ZNF257: variants seen among roughly 807,000 people sequenced by gnomAD.
ZNF257 encodes bone marrow zinc finger 4.
Under a neutral mutation model 11.9 loss-of-function variants are expected in ZNF257, and 12 were observed. The observed-to-expected ratio is 1.01, with a 90% CI of 0.65 to 1.63. The LOEUF (loss-of-function observed/expected upper bound fraction) is 1.63, where lower values mean the gene tolerates loss of function less well. ZNF257 is among the 40% of genes most tolerant of loss of function. ZNF257 has a pLI of 0.00. For synonymous variants in ZNF257, 183 were observed against 222.7 expected, an observed-to-expected ratio of 0.82 and a Z score of 1.59; for missense variants, 580 against 665.5, an observed-to-expected ratio of 0.87 and a Z score of 1.41.
rs558313103 is a variant in ZNF257 at position 22,057,873 on chromosome 19, C to A, written c.3+5238C>A. Among the ~76,000 whole-genome samples, 10 of 152,288 alleles carry A rather than the reference C, an allele frequency of 6.6e-5. 1 individual carries two copies. The South Asian group carries it at 2.1e-3, about 32-fold the overall frequency. ...TTCCTGGGTTCAAGCGATTCTCCTG[C>A]CTCAGCCTCCTGAATAGCTGGGATT... is the stretch of plus-strand genomic sequence containing the variant. On this transcript the variant is annotated intron_variant, in intron 1 of 3. Coordinates refer to ENST00000594947, the MANE Select transcript of ZNF257 (RefSeq NM_033468.4).
intron 3 of ZNF257, chr19:22,074,518 A>G (rs1006328956): frequency 2.6e-5 from 4 of 151,934 alleles, no homozygotes; most frequent in Non-Finnish European, 5.9e-5. Flanking sequence ...TGCCTGGCTA[A>G]TTTTTGTATT....
At chr19:22,054,267 T>A (rs2021566323) in intron 1 of ZNF257, among the ~76,000 whole-genome samples, 1 of 151,900 alleles carries the variant, frequency 6.6e-6, no homozygotes, top group South Asian at 2.1e-4. Flanking sequence ...GAGATGAGGT[T>A]TCATGTGGGC....
At chr19:22,079,443 AAG>A (rs1173932999) in intron 3 of ZNF257, among the ~76,000 whole-genome samples, 4 of 152,144 alleles carry the variant, frequency 2.6e-5, no homozygotes, top group African/African-American at 4.8e-5. Flanking sequence ...TTTATAAAGA[AAG>A]AGGTTTAATT....
intron 3 of ZNF257, among the ~76,000 whole-genome samples, chr19:22,084,550 A>G (rs1232053037): frequency 1.3e-5 from 2 of 152,084 alleles, no homozygotes; most frequent in African/African-American, 4.8e-5. Flanking sequence ...AAAACATTGC[A>G]TTAAATCTGT....
At position 22,088,742 on chromosome 19, in the gene ZNF257, T is replaced by G; in HGVS notation, c.992T>G (p.Leu331Arg). 8 of 1,611,800 alleles carry G rather than the reference T, an allele frequency of 5.0e-6. No homozygotes were observed. The highest frequency in any genetic ancestry group is 6.8e-6 in the Non-Finnish European group (8 of 1,179,560). The part of the protein sequence containing the change: ...CGKAFNQSSA[L>R]TRHKMIHTGE... Reference sequence around the variant, plus strand: ...AAAGCCTTTAACCAGTCCTCAGCCCTTACTCGACATAAGATGATTCATACT... The same window carrying G: ...AAAGCCTTTAACCAGTCCTCAGCCCGTACTCGACATAAGATGATTCATACT... Residue 331 changes from leucine to arginine, a missense_variant, in exon 4 of 4, where the codon CTT becomes CGT. By Grantham distance (102) the Leu-to-Arg change is moderately radical. Transcript: ENST00000594947.
At position 22,088,729 on chromosome 19, in the gene ZNF257, C is replaced by A. The variant is rs2022545528; in HGVS notation, c.979C>A (p.Gln327Lys). Residue 327 changes from glutamine (Q) to lysine (K), a missense_variant, in exon 4 of 4, where the codon CAG (glutamine) becomes AAG (lysine). By Grantham distance (53) the Gln-to-Lys change is moderately conservative. Transcript: ENST00000594947. The stretch of plus-strand genomic sequence containing the variant: ...TGAAGAGTGTGGCAAAGCCTTTAAC[C>A]AGTCCTCAGCCCTTACTCGACATAA... ...KCEECGKAFN[Q>K]SSALTRHKMI... is the part of the protein sequence containing the mutation. 1 of 1,612,016 alleles carries A rather than the reference C, an allele frequency of 6.2e-7. No homozygotes were observed. Among genetic ancestry groups the A allele is most frequent in the Admixed American group, 1.7e-5 (1 of 59,828 alleles).
intron 1 of ZNF257, among the ~76,000 whole-genome samples, chr19:22,054,029 T>C (rs1280436919): frequency 1.3e-5 from 2 of 151,830 alleles, no homozygotes; most frequent in Admixed American, 6.6e-5. Context: ...GCCACTTAAT[T>C]ATTTTCACAA....
At chr19:22,053,854 G>A (rs1043575162) in intron 1 of ZNF257, among the ~76,000 whole-genome samples, 1 of 151,994 alleles carries the variant, frequency 6.6e-6, no homozygotes, top group African/African-American at 2.4e-5. Context: ...GAACCCAGGA[G>A]GTGGAGGTTG....
At chr19:22,077,273 T>G (rs2022249421) in intron 3 of ZNF257, among the ~76,000 whole-genome samples, 1 of 152,084 alleles carries the variant, frequency 6.6e-6, no homozygotes, top group South Asian at 2.1e-4. Flanking sequence ...GAGCCATAGT[T>G]GTGCCACTGC....
chr19:22,073,433 T>C lies in ZNF257; in HGVS notation c.131-36T>C, dbSNP rs546970017. ...TTACTAAGTTGGTAATTGGAGAATA[T>C]GAGCAAGATGCGTGTTACTTATTTT... On this transcript the variant is annotated intron_variant, in intron 2 of 3. Coordinates refer to ENST00000594947, the MANE Select transcript of ZNF257 (RefSeq NM_033468.4). The C allele has an allele frequency of 8.2e-5, 130 of 1,580,674 alleles. No homozygotes were observed. The South Asian group carries it at 1.5e-3, about 18-fold the overall frequency.
chr19:22,067,935 T>C (rs1396172287), intron 1 of ZNF257, among the ~76,000 whole-genome samples: 1 of 150,650 alleles, frequency 6.6e-6, no homozygotes, highest in East Asian at 2.0e-4. Flanking sequence ...TTGCCACAAG[T>C]AGCATCAATT....
intron 1 of ZNF257, among the ~76,000 whole-genome samples, chr19:22,066,638 A>C (rs1212528740): frequency 3.3e-5 from 5 of 152,230 alleles, no homozygotes; most frequent in African/African-American, 9.7e-5. Flanking sequence ...TTTGTAGAAG[A>C]GTGAGAGCCT....
At chr19:22,078,754 C>G (rs1192047760) in intron 3 of ZNF257, among the ~76,000 whole-genome samples, 3 of 151,098 alleles carry the variant, frequency 2.0e-5, no homozygotes, top group Non-Finnish European at 4.4e-5. Context: ...AGGAAATAAT[C>G]CAGCTTTATC....
intron 3 of ZNF257, among the ~76,000 whole-genome samples, chr19:22,074,780 T>C (rs1191115002): frequency 1.3e-5 from 2 of 152,178 alleles, no homozygotes; most frequent in Non-Finnish European, 2.9e-5. Flanking sequence ...ACGGAGTTTA[T>C]TTATTAACTT....
At chr19:22,057,078 T>C (rs2021662201) in intron 1 of ZNF257, among the ~76,000 whole-genome samples, 1 of 152,172 alleles carries the variant, frequency 6.6e-6, no homozygotes. Flanking sequence ...ATTAAACTTG[T>C]TACCTCCTAG....
chr19:22,062,800 G>A (rs1198204002), intron 1 of ZNF257, among the ~76,000 whole-genome samples: 1 of 152,152 alleles, frequency 6.6e-6, no homozygotes, highest in Non-Finnish European at 1.5e-5. Flanking sequence ...CGGCTTACCT[G>A]AAGTTTTCTT....
chr19:22,089,748 C>T lies in ZNF257; in HGVS notation c.*306C>T, dbSNP rs956653650. 3 of 440,494 alleles carry T rather than the reference C, an allele frequency of 6.8e-6. No individual in the cohort carries two copies. The highest frequency in any genetic ancestry group is 1.2e-5 in the Non-Finnish European group (3 of 254,676). 27.3% of individuals were successfully genotyped at this position (440,494 alleles called of 1,614,324 possible). A position where few individuals can be genotyped will look rare whatever the true frequency, so the allele number is the denominator to read the frequency against. ...ACAAGGCCTTTAAAAGTTCTCAACCCTTATTACACATAATTTATACTGGAC... is the reference window on the plus strand; with the variant it reads ...ACAAGGCCTTTAAAAGTTCTCAACCTTTATTACACATAATTTATACTGGAC... On this transcript the variant is annotated 3_prime_UTR_variant, in exon 4 of 4. Transcript: ENST00000594947.
chr19:22,062,551 C>T (rs1464826030), intron 1 of ZNF257, among the ~76,000 whole-genome samples: 1 of 150,318 alleles, frequency 6.7e-6, no homozygotes, highest in Non-Finnish European at 1.5e-5. Flanking sequence ...GGTGCAATCT[C>T]GGCTTACCAC....
At chr19:22,074,716 G>A (rs1325067178) in intron 3 of ZNF257, among the ~76,000 whole-genome samples, 1 of 151,970 alleles carries the variant, frequency 6.6e-6, no homozygotes, top group East Asian at 1.9e-4. Context: ...CAGATAGTTT[G>A]TTTTAAGTGT....
Sources: allele counts gnomAD v4.1 joint callset (sites outside exome capture counted in the v4.1 genomes callset), GRCh38; gene constraint gnomAD v4.1.1; transcripts MANE v1.5; gene names NCBI Gene and HGNC (gene_info 2026-07-23, HGNC 2026-07-21).